Variants in NGLY1 observed in about 807,000 individuals in gnomAD.
NGLY1 encodes peptide-N(4)-(N-acetyl-beta-glucosaminyl)asparagine amidase.
Under a neutral mutation model 84.6 loss-of-function variants are expected in NGLY1, and 68 were observed. That is an observed-to-expected ratio of 0.80 (90% CI 0.66 to 0.98). The LOEUF is 0.98. Among genes scored for constraint, NGLY1 ranks in the 50% least tolerant of loss-of-function variants. The pLI is 0.00. For synonymous variants in NGLY1, 280 were observed against 275.2 expected, an observed-to-expected ratio of 1.02 and a Z score of -0.17; for missense variants, 779 against 770.2, an observed-to-expected ratio of 1.01 and a Z score of -0.14.
intron 10 of NGLY1, among the ~76,000 whole-genome samples, chr3:25,723,952 A>G (rs1428312887): frequency 6.6e-6 from 1 of 152,190 alleles, no homozygotes; most frequent in East Asian, 1.9e-4. Context: ...TTGTAAGCAC[A>G]TATGAGCATA....
chr3:25,737,436 G>A lies in NGLY1; in HGVS notation c.901C>T (p.Leu301Phe), dbSNP rs761507528. 2 of 1,610,162 alleles carry A rather than the reference G, an allele frequency of 1.2e-6. No individual in the cohort carries two copies. Among genetic ancestry groups the A allele is most frequent in the South Asian group, 1.1e-5 (1 of 90,340 alleles). Residue 301 changes from leucine (L) to phenylalanine (F), a missense_variant, in exon 6 of 12, where the codon CTT becomes TTT. Leu to Phe is a conservative substitution (Grantham distance 22). Coordinates refer to ENST00000280700, the MANE Select transcript of NGLY1 (RefSeq NM_018297.4). ...RFPRYNNPEK[L>F]LETRCGRCGE... is the part of the protein sequence containing the mutation. ...CACCGTCCACATCTTGTTTCCAAAA[G>A]TTTCTCAGGGTTATTATATCTGGTT...
At chr3:25,779,603 C>T (rs1426179827) in intron 1 of NGLY1, among the ~76,000 whole-genome samples, 1 of 151,620 alleles carries the variant, frequency 6.6e-6, no homozygotes, top group East Asian at 1.9e-4. Context: ...GCCACCTGCC[C>T]TGGGGTATGA....
intron 2 of NGLY1, among the ~76,000 whole-genome samples, chr3:25,777,174 T>C (rs1708190353): frequency 6.6e-6 from 1 of 152,158 alleles, no homozygotes; most frequent in Admixed American, 6.5e-5. Context: ...GGCGGGCGGA[T>C]CGCCTGAGGT....
At chr3:25,762,994 G>A (rs1707388199) in intron 3 of NGLY1, among the ~76,000 whole-genome samples, 3 of 151,968 alleles carry the variant, frequency 2.0e-5, no homozygotes, top group African/African-American at 7.3e-5. Context: ...GAGAGATGGT[G>A]CATGCCTTTA....
chr3:25,732,202 A>T, intron 9 of NGLY1, 117 bp downstream of exon 9: 1 of 823,036 alleles, frequency 1.2e-6, no homozygotes, highest in Non-Finnish European at 1.8e-6. Flanking sequence ...TTTTAAAATA[A>T]TTACTCTCAA....
chr3:25,758,033 T>C (rs534861952), intron 3 of NGLY1, among the ~76,000 whole-genome samples: 2 of 152,266 alleles, frequency 1.3e-5, no homozygotes, highest in African/African-American at 4.8e-5. Context: ...CAATCTAGCT[T>C]AAAAAGATTA....
chr3:25,748,334 C>T (rs1306190823), intron 4 of NGLY1, among the ~76,000 whole-genome samples: 1 of 152,088 alleles, frequency 6.6e-6, no homozygotes, highest in Admixed American at 6.5e-5. Context: ...TAAATGCAGA[C>T]TCTAATGAGG....
At chr3:25,726,972 T>G (rs1287170523) in intron 10 of NGLY1, among the ~76,000 whole-genome samples, 1 of 152,252 alleles carries the variant, frequency 6.6e-6, no homozygotes, top group Admixed American at 6.5e-5. Context: ...AAGAATCTGT[T>G]CTAAAACTCT....
intron 2 of NGLY1, among the ~76,000 whole-genome samples, chr3:25,767,887 TG>T (rs1427078695): frequency 6.8e-6 from 1 of 146,566 alleles, no homozygotes; most frequent in African/African-American, 2.5e-5. Flanking sequence ...CTGAAGCAGG[TG>T]GATCACTTGA....
At chr3:25,725,791 C>T (rs1376450424) in intron 10 of NGLY1, among the ~76,000 whole-genome samples, 1 of 151,964 alleles carries the variant, frequency 6.6e-6, no homozygotes, top group African/African-American at 2.4e-5. Flanking sequence ...AAACAAAATA[C>T]TTGGAGTATG....
At chr3:25,783,926 G>A (rs1172297970), upstream of NGLY1, 5 of 152,442 alleles carry the variant, frequency 3.3e-5, no homozygotes, top group African/African-American at 1.2e-4. This position sits in a 1 kb window ranked among gnomAD's most constrained non-coding sequence, Gnocchi z 4.5. Context: ...GAATGGTGCT[G>A]GCACGTGCCT....
chr3:25,786,265 G>A (rs1453673508), upstream of NGLY1, among the ~76,000 whole-genome samples: 1 of 151,994 alleles, frequency 6.6e-6, no homozygotes, highest in Non-Finnish European at 1.5e-5. Flanking sequence ...AGAGGTTGCA[G>A]TGAGCTGAGG....
rs145665993 is a variant in NGLY1 at position 25,737,319 on chromosome 3, T to G, written c.1003+15A>C. On this transcript the variant is annotated intron_variant, in intron 6 of 11. Coordinates refer to ENST00000280700, the MANE Select transcript of NGLY1 (RefSeq NM_018297.4). ...GCAAAGCCCTACTACCCTCTGCTCA[T>G]TCCACATTCTGTACCTGTGTAATCC... 390 of 1,600,344 alleles carry G rather than the reference T, an allele frequency of 2.4e-4. No individual in the cohort carries two copies. The African/African-American group carries it at 4.6e-3, about 19-fold the overall frequency.
At chr3:25,780,444 C>T (rs1353550708) in intron 1 of NGLY1, among the ~76,000 whole-genome samples, 1 of 152,168 alleles carries the variant, frequency 6.6e-6, no homozygotes, top group East Asian at 1.9e-4. Context: ...CATGTCAGTA[C>T]CACCAGGATG....
At chr3:25,735,927 A>G (rs1705791012) in intron 7 of NGLY1, 77 bp downstream of exon 7, 1 of 1,240,072 alleles carries the variant, frequency 8.1e-7, no homozygotes, top group Non-Finnish European at 1.1e-6. Flanking sequence ...TATGTTAATT[A>G]TACATTCATG....
In NGLY1 at chr3:25,778,625, G is replaced by C. The variant is rs370536332; in HGVS notation, c.195C>G (p.Leu65=). The C allele has an allele frequency of 1.2e-6, 2 of 1,612,230 alleles. No homozygotes were observed. The highest frequency in any genetic ancestry group is 2.7e-5 in the African/African-American group (2 of 74,836). The change falls in exon 2 of 12, where the codon CTC becomes CTG. Residue 65 remains leucine, a synonymous_variant. Transcript: ENST00000280700. ...RIGNTAFSTR[L]LPVRGAVECL... is the part of the protein sequence containing the mutation. ...ATTCAACAGCTCCTCTGACAGGCAA[G>C]AGTCTAGTAGAAAAGGCTGTGTTTC...
intron 10 of NGLY1, among the ~76,000 whole-genome samples, chr3:25,728,763 C>G (rs1575611529): frequency 6.6e-6 from 1 of 151,964 alleles, no homozygotes; most frequent in African/African-American, 2.4e-5. Flanking sequence ...GCAATCAATA[C>G]ACATCTGTGA....
intron 3 of NGLY1, among the ~76,000 whole-genome samples, chr3:25,762,854 G>A (rs1034518068): frequency 4.6e-5 from 7 of 152,072 alleles, no homozygotes; most frequent in Admixed American, 1.3e-4. Context: ...CTCGGGAGGC[G>A]CAGGCTATAG....
chr3:25,759,749 G>A (rs1027798812), intron 3 of NGLY1, among the ~76,000 whole-genome samples: 2 of 152,106 alleles, frequency 1.3e-5, no homozygotes, highest in Non-Finnish European at 2.9e-5. Context: ...GTTGGTTTTA[G>A]ATCAAAGAGA....
Sources: gnomAD v4.1 joint callset for allele counts (sites outside exome capture counted in the v4.1 genomes callset) on GRCh38, gnomAD v4.1.1 for gene constraint, Gnocchi (gnomAD v3.1) non-coding constraint, MANE v1.5 for transcripts, NCBI Gene and HGNC (gene_info 2026-07-23, HGNC 2026-07-21) for gene names.